The following KDM6A variants were observed in gnomAD, a reference collection of about 807,000 sequenced individuals.
The protein encoded by KDM6A is lysine demethylase 6A.
In KDM6A, 11 loss-of-function variants were observed where a neutral mutation model predicts 117.6. The observed-to-expected ratio is 0.09, with a 90% CI of 0.06 to 0.15. KDM6A has a LOEUF of 0.15. Among genes scored for constraint, KDM6A ranks in the 10% least tolerant of loss-of-function variants. KDM6A has a pLI of 1.00. For synonymous variants in KDM6A, 384 were observed against 396.1 expected (o/e 0.97, Z 0.36); for missense variants, 799 against 1,077.3 (o/e 0.74, Z 3.62).
At chrX:45,014,678 T>C (rs2041892505) in intron 5 of KDM6A, among the ~76,000 whole-genome samples, 1 of 111,552 alleles carries the variant, frequency 9.0e-6, no homozygotes, top group African/African-American at 3.3e-5. Context: ...TGAGAGTAAG[T>C]GAAATACAAA....
intron 5 of KDM6A, among the ~76,000 whole-genome samples, chrX:45,019,845 T>A (rs996944509): frequency 3.6e-5 from 4 of 112,037 alleles, no homozygotes; most frequent in African/African-American, 1.3e-4. Flanking sequence ...AATATAATAA[T>A]GTATTCAATG....
chrX:45,054,287 T>G (rs994569081), intron 10 of KDM6A, among the ~76,000 whole-genome samples: 2 of 111,965 alleles, frequency 1.8e-5, no homozygotes, highest in Middle Eastern at 4.3e-3. Flanking sequence ...TTCCAGTATT[T>G]TTTTCTATAT....
chrX:44,993,623 C>A (rs941744095), intron 4 of KDM6A, among the ~76,000 whole-genome samples: 1 of 111,358 alleles, frequency 9.0e-6, no homozygotes, highest in African/African-American at 3.3e-5. Flanking sequence ...CTTTTAATGT[C>A]TTTTAAAAGC....
chrX:44,942,406 T>G (rs980192347), intron 2 of KDM6A, among the ~76,000 whole-genome samples: 1 of 110,875 alleles, frequency 9.0e-6, no homozygotes, highest in Non-Finnish European at 1.9e-5. Flanking sequence ...GGTCAGTTTC[T>G]GGGTTCTCTG....
Position 45,097,642 on chromosome X carries a change from G to A in KDM6A, c.4034+6778G>A, listed in dbSNP as rs1311410699. On this transcript the variant is annotated intron_variant, in intron 27 of 29. Transcript: ENST00000611820. ...GGGTTATTTAATAATGGGAAATGGT[G>A]TTTTCTTCTGTTGTCACCTCCTGAT... Among the ~76,000 whole-genome samples, 3 of 111,507 alleles carry A rather than the reference G, an allele frequency of 2.7e-5. No homozygotes were observed. The East Asian group carries it at 8.4e-4, about 31-fold the overall frequency.
intron 4 of KDM6A, among the ~76,000 whole-genome samples, chrX:44,998,495 G>T (rs2147469257): frequency 8.9e-6 from 1 of 111,998 alleles, no homozygotes; most frequent in African/African-American, 3.2e-5. Context: ...TATAAAGAAA[G>T]TATTTGGAAA....
chrX:45,007,687 A>G (rs915007663), intron 4 of KDM6A, among the ~76,000 whole-genome samples: 5 of 112,194 alleles, frequency 4.5e-5, no homozygotes, highest in African/African-American at 1.3e-4. Context: ...ACAGGCAGTG[A>G]TCACTCCTGC....
rs902261149 is a variant in KDM6A at position 44,901,361 on chromosome X, A to AT, written c.225+27374_225+27375insT. ...ACAGAGTGAGACTCCATCTCAAAAA[A>AT]ATATATATATATATATACGGGGACT... On this transcript the variant is annotated intron_variant, in intron 2 of 29. Transcript: ENST00000611820. Among the ~76,000 whole-genome samples, 8 of 106,975 alleles carry AT rather than the reference A, an allele frequency of 7.5e-5. No homozygotes were observed. The East Asian group carries it at 8.6e-4, about 12-fold the overall frequency. 92.9% of individuals were successfully genotyped at this position (106,975 alleles called of 115,157 possible).
At chrX:45,043,254 C>T (rs2043367997) in intron 8 of KDM6A, among the ~76,000 whole-genome samples, 1 of 110,823 alleles carries the variant, frequency 9.0e-6, no homozygotes, top group Non-Finnish European at 1.9e-5. Context: ...CTCGCCACTG[C>T]GCTCCAGCCT....
chrX:45,000,267 A>G (rs756299102), intron 4 of KDM6A, among the ~76,000 whole-genome samples: 5 of 112,325 alleles, frequency 4.5e-5, no homozygotes, highest in East Asian at 2.8e-4. Flanking sequence ...ATTGTCACCT[A>G]CCAAAATATT....
chrX:45,075,279 A>G (rs1391565023), intron 18 of KDM6A, among the ~76,000 whole-genome samples: 1 of 111,494 alleles, frequency 9.0e-6, no homozygotes. Context: ...AATTTTCTAC[A>G]TGTTAAAAGC....
At position 45,058,866 on chromosome X, in the gene KDM6A, T is replaced by C. The variant is rs112629411; in HGVS notation, c.876-140T>C. 0.027 allele frequency: 14,149 copies of C among 515,878 alleles called. 1,402 individuals carry two copies. The African/African-American group carries it at 0.3, about 11-fold the overall frequency. 42.5% of individuals were successfully genotyped at this position (515,878 alleles called of 1,213,427 possible). A position where few individuals can be genotyped will look rare whatever the true frequency, so the allele number is the denominator to read the frequency against. On this transcript the variant is annotated intron_variant, in intron 10 of 29. Transcript: ENST00000611820. ...TCATTATAGTTAACAAGTATATACA[T>C]ACATACACATAAATATATTAACTTA...
intron 2 of KDM6A, among the ~76,000 whole-genome samples, chrX:44,920,937 T>G (rs867225478): frequency 3.5e-4 from 36 of 102,499 alleles, no homozygotes; most frequent in Admixed American, 8.4e-4. Context: ...TGCAGTGGTG[T>G]GATTTCGGCT....
intron 2 of KDM6A, among the ~76,000 whole-genome samples, chrX:44,906,194 A>ATTTT (rs2034646632): frequency 9.0e-6 from 1 of 111,512 alleles, no homozygotes; most frequent in Non-Finnish European, 1.9e-5. Flanking sequence ...TCTGTAGCTC[A>ATTTT]GGCTGGAGTG....
intron 5 of KDM6A, among the ~76,000 whole-genome samples, chrX:45,018,164 G>A (rs919075679): frequency 1.8e-5 from 2 of 111,209 alleles, no homozygotes; most frequent in African/African-American, 6.5e-5. Flanking sequence ...GGAGCCACAC[G>A]TTTGAGGGAA....
intron 4 of KDM6A, among the ~76,000 whole-genome samples, chrX:44,997,938 A>T (rs748205797): frequency 8.9e-6 from 1 of 112,204 alleles, no homozygotes; most frequent in South Asian, 3.7e-4. Context: ...ACAGATCTGC[A>T]TGTTATTTGT....
At chrX:44,920,680 C>T (rs147354188) in intron 2 of KDM6A, among the ~76,000 whole-genome samples, 18,984 of 107,936 alleles carry the variant, frequency 0.18, 1,675 homozygotes, top group Admixed American at 0.37. Context: ...TTGTGATCCG[C>T]CCACCTCGGC....
intron 2 of KDM6A, among the ~76,000 whole-genome samples, chrX:44,898,306 T>C (rs937930012): frequency 3.6e-5 from 4 of 112,120 alleles, no homozygotes; most frequent in African/African-American, 1.3e-4. Context: ...CTGAAATGGT[T>C]GTCAGCTACT....
intron 10 of KDM6A, among the ~76,000 whole-genome samples, chrX:45,054,529 G>A (rs2147931618): frequency 8.9e-6 from 1 of 112,005 alleles, no homozygotes; most frequent in African/African-American, 3.2e-5. Flanking sequence ...CTGCAAGTCT[G>A]TAACCATTTC....
Sources: allele counts gnomAD v4.1 joint callset (sites outside exome capture counted in the v4.1 genomes callset), GRCh38; gene constraint gnomAD v4.1.1; transcripts MANE v1.5; gene names NCBI Gene and HGNC (gene_info 2026-07-23, HGNC 2026-07-21).